Variants in ASAP2 observed in about 807,000 individuals in gnomAD.
ASAP2 encodes the protein arf-GAP with SH3 domain, ANK repeat and PH domain-containing protein 2.
ASAP2 carries 45 observed loss-of-function variants against 131.4 expected under a neutral mutation model. The ratio of observed to expected loss-of-function variants is 0.34; its 90% CI spans 0.27 to 0.44. The LOEUF (loss-of-function observed/expected upper bound fraction) is 0.44, where lower values mean the gene tolerates loss of function less well. Among genes scored for constraint, ASAP2 ranks in the 20% least tolerant of loss-of-function variants. The probability of loss-of-function intolerance (pLI) is 1.00; values close to 1 mark genes in which losing one functional copy is unlikely to be tolerated. For missense variants in ASAP2, 1,011 were observed against 1,297.0 expected (o/e 0.78, Z 3.39); for synonymous variants, 510 against 503.0 (o/e 1.01, Z -0.19).
chr2:9,344,645 G>T lies in ASAP2; in HGVS notation c.953+10G>T, dbSNP rs763602369. 4 of 1,613,718 alleles carry T rather than the reference G, an allele frequency of 2.5e-6. No homozygotes were observed. Among genetic ancestry groups the T allele is most frequent in the Non-Finnish European group, 3.4e-6 (4 of 1,179,608 alleles). ...ACAAGAAGAGTGACGGGTACGTGAG[G>T]GGGTGTGGCTAGAGTTTAAATGTAC... On this transcript the variant is annotated intron_variant, in intron 10 of 27. Transcript: ENST00000281419.
At chr2:9,280,901 G>A (rs540478148) in intron 2 of ASAP2, among the ~76,000 whole-genome samples, 1 of 152,320 alleles carries the variant, frequency 6.6e-6, no homozygotes, top group East Asian at 1.9e-4. Context: ...TGAGTAACCT[G>A]CAAATCAGAG....
intron 20 of ASAP2, 53 bp from the exon 21 acceptor site, chr2:9,385,192 A>G (rs939271073): frequency 1.4e-6 from 2 of 1,391,740 alleles, no homozygotes; most frequent in Admixed American, 1.7e-5. Context: ...GTGGGTCCAG[A>G]TGCATGGCCG....
rs1485513808 is a variant in ASAP2 at position 9,334,028 on chromosome 2, C to T, written c.687-710C>T. 9.8e-5 allele frequency among the ~76,000 whole-genome samples: 14 copies of T among 142,762 alleles called. No homozygotes were observed. In the Admixed American group the frequency reaches 1.0e-3, roughly 10 times the overall value. 93.7% of individuals were successfully genotyped at this position (142,762 alleles called of 152,430 possible). ...GCATTATTTCTCTCTCTCTCTGTCTCTGTCTTTCTCCTTTTTTTTTTTTTT... is the reference window on the plus strand; with the variant it reads ...GCATTATTTCTCTCTCTCTCTGTCTTTGTCTTTCTCCTTTTTTTTTTTTTT... On this transcript the variant is annotated intron_variant, in intron 7 of 27. Transcript: ENST00000281419.
chr2:9,252,948 G>A (rs551129899), intron 1 of ASAP2, among the ~76,000 whole-genome samples: 42 of 150,092 alleles, frequency 2.8e-4, no homozygotes, highest in African/African-American at 1.0e-3. Context: ...AGGAACACAA[G>A]CAGATAGTGC....
chr2:9,340,113 C>T (rs1572494671), intron 9 of ASAP2, among the ~76,000 whole-genome samples: 1 of 152,328 alleles, frequency 6.6e-6, no homozygotes, highest in East Asian at 1.9e-4. Flanking sequence ...ACCTCTGCCT[C>T]CTGGGTTCAA....
intron 1 of ASAP2, among the ~76,000 whole-genome samples, chr2:9,226,230 C>T (rs1048233538): frequency 6.6e-6 from 1 of 152,222 alleles, no homozygotes; most frequent in African/African-American, 2.4e-5. Context: ...CCAATCTTAT[C>T]TCTACTTTTA....
chr2:9,365,932 C>G (rs1179295150), intron 15 of ASAP2, among the ~76,000 whole-genome samples: 1 of 152,092 alleles, frequency 6.6e-6, no homozygotes, highest in Non-Finnish European at 1.5e-5. Context: ...CTTAAACACT[C>G]CCTCCTCTCC....
rs777595461 is a variant in ASAP2, at chr2:9,370,005, A to AT, written c.1556+1492dup. Among the ~76,000 whole-genome samples the AT allele has an allele frequency of 1.1e-4, 17 of 152,128 alleles. No individual in the cohort carries two copies. The East Asian group carries it at 3.3e-3, about 29-fold the overall frequency. ...AGGCACATGCCACCACACCCAGCTAATTTTTTGTATCTTTAGTAGAGATGG... is the reference window on the plus strand; with the variant it reads ...AGGCACATGCCACCACACCCAGCTAATTTTTTTGTATCTTTAGTAGAGATGG... On this transcript the variant is annotated intron_variant, in intron 16 of 27. Coordinates refer to ENST00000281419, the MANE Select transcript of ASAP2 (RefSeq NM_003887.3).
intron 7 of ASAP2, among the ~76,000 whole-genome samples, chr2:9,330,885 A>G (rs1248323558): frequency 6.6e-6 from 1 of 152,228 alleles, no homozygotes; most frequent in Admixed American, 6.5e-5. Flanking sequence ...AAAAATATGA[A>G]TCTTCCATTA....
In ASAP2 at chr2:9,374,914, T is replaced by C. The variant is rs376780814; in HGVS notation, c.1716T>C (p.Leu572=). 2.5e-6 allele frequency: 4 copies of C among 1,607,634 alleles called. No homozygotes were observed. Among genetic ancestry groups the C allele is most frequent in the Non-Finnish European group, 3.4e-6 (4 of 1,178,070 alleles). The change falls in exon 17 of 28, where the codon CTT becomes CTC. Residue 572 remains leucine, a synonymous_variant. Coordinates refer to ENST00000281419, the MANE Select transcript of ASAP2 (RefSeq NM_003887.3). ...LLQAYADGVD[L]TEKIPLANGH... is the part of the protein sequence containing the mutation. ...AAGCTTATGCTGATGGTGTGGATCTTACGGAAAAAATCCCACTGGCCAACG... is the reference window on the plus strand; with the variant it reads ...AAGCTTATGCTGATGGTGTGGATCTCACGGAAAAAATCCCACTGGCCAACG...
chr2:9,279,179 G>T lies in ASAP2; in HGVS notation c.127-138G>T. 3 of 745,214 alleles carry T rather than the reference G, an allele frequency of 4.0e-6. No individual in the cohort carries two copies. The South Asian group carries it at 5.0e-5, about 12-fold the overall frequency. 46.2% of individuals were successfully genotyped at this position (745,214 alleles called of 1,614,324 possible). A position where few individuals can be genotyped will look rare whatever the true frequency, so the allele number is the denominator to read the frequency against. On this transcript the variant is annotated intron_variant, in intron 1 of 27. Coordinates refer to ENST00000281419, the MANE Select transcript of ASAP2 (RefSeq NM_003887.3). ...CCCAGAAACAGGTGCCGAGGGACCT[G>T]GCAGAGGAGGCTTGTCTCCCAGAAA...
intron 3 of ASAP2, among the ~76,000 whole-genome samples, chr2:9,313,194 G>A (rs1669425130): frequency 6.6e-6 from 1 of 152,218 alleles, no homozygotes; most frequent in African/African-American, 2.4e-5. Flanking sequence ...GACCAAGTGG[G>A]TCTGCATGTC....
At chr2:9,271,933 C>T (rs1666430655) in intron 1 of ASAP2, among the ~76,000 whole-genome samples, 1 of 151,830 alleles carries the variant, frequency 6.6e-6, no homozygotes, top group Non-Finnish European at 1.5e-5. Flanking sequence ...TGTATAGGTA[C>T]CACATTTTCT....
rs1363068345 is a variant in ASAP2 at position 9,268,013 on chromosome 2, TGACTGCA to T, written c.127-11302_127-11296del. On this transcript the variant is annotated intron_variant, in intron 1 of 27. Transcript: ENST00000281419. The surrounding 1 kb of genome is among the most constrained non-coding windows in gnomAD (Gnocchi z 4.1). ...ACGCCCTCAGAAGCTTCCCCTGCCC[TGACTGCA>T]GCCCTCAGCTTGCCTCAGTTTGTAG... Among the ~76,000 whole-genome samples, 2 of 151,820 alleles carry T rather than the reference TGACTGCA, an allele frequency of 1.3e-5. No individual in the cohort carries two copies. Among genetic ancestry groups the T allele is most frequent in the African/African-American group, 4.8e-5 (2 of 41,262 alleles).
intron 2 of ASAP2, among the ~76,000 whole-genome samples, chr2:9,286,134 C>A (rs1380210220): frequency 5.3e-5 from 8 of 152,128 alleles, no homozygotes; most frequent in Admixed American, 5.2e-4. Flanking sequence ...CGGTGACTCA[C>A]GCCTGTAATC....
At chr2:9,399,991 G>C (rs746218113) in intron 24 of ASAP2, 32 bp from the exon 25 acceptor site, 1 of 1,609,970 alleles carries the variant, frequency 6.2e-7, no homozygotes, top group Non-Finnish European at 8.5e-7. Context: ...CCCTCCGGTA[G>C]CAGTAAATCT....
chr2:9,344,717 C>G lies in ASAP2; in HGVS notation c.954-14C>G. ...ATGTCTAAACTCTTATTGTTTCTCCCACTTATCCACAAGGATCCGAAAAGT... is the reference window on the plus strand; with the variant it reads ...ATGTCTAAACTCTTATTGTTTCTCCGACTTATCCACAAGGATCCGAAAAGT... On this transcript the variant is annotated splice_polypyrimidine_tract_variant and intron_variant, in intron 10 of 27. Coordinates refer to ENST00000281419, the MANE Select transcript of ASAP2 (RefSeq NM_003887.3). 6.2e-7 allele frequency: 1 copy of G among 1,613,954 alleles called. No homozygotes were observed. Among genetic ancestry groups the G allele is most frequent in the South Asian group, 1.1e-5 (1 of 91,066 alleles).
intron 1 of ASAP2, among the ~76,000 whole-genome samples, chr2:9,274,319 C>CTTT (rs57798948): frequency 0.019 from 2,046 of 106,568 alleles, 105 homozygotes; most frequent in African/African-American, 0.054. Flanking sequence ...AGCATTCAAT[C>CTTT]TTTTTTTTTT....
At chr2:9,307,280 A>T (rs1383307281) in intron 3 of ASAP2, among the ~76,000 whole-genome samples, 1 of 152,130 alleles carries the variant, frequency 6.6e-6, no homozygotes, top group Non-Finnish European at 1.5e-5. Flanking sequence ...CTTGCTGGTC[A>T]GGAGCCACAC....
Sources: gnomAD v4.1 joint callset for allele counts (sites outside exome capture counted in the v4.1 genomes callset) on GRCh38, gnomAD v4.1.1 for gene constraint, Gnocchi (gnomAD v3.1) non-coding constraint, MANE v1.5 for transcripts, NCBI Gene and HGNC (gene_info 2026-07-23, HGNC 2026-07-21) for gene names.